CTNNAL1: variants seen among roughly 807,000 people sequenced by gnomAD.
CTNNAL1 encodes catenin alpha like 1.
CTNNAL1 carries 69 observed loss-of-function variants against 93.6 expected under a neutral mutation model. The ratio of observed to expected loss-of-function variants is 0.74; its 90% CI spans 0.61 to 0.90. The LOEUF (loss-of-function observed/expected upper bound fraction) is 0.90, where lower values mean the gene tolerates loss of function less well. Among genes scored for constraint, CTNNAL1 ranks in the 40% least tolerant of loss-of-function variants. The pLI is 0.00. For missense variants in CTNNAL1, 836 were observed against 862.0 expected, an observed-to-expected ratio of 0.97 and a Z score of 0.38; for synonymous variants, 286 against 305.4, an observed-to-expected ratio of 0.94 and a Z score of 0.66.
chr9:108,964,066 C>CT (rs901297772), intron 11 of CTNNAL1, among the ~76,000 whole-genome samples: 1 of 152,318 alleles, frequency 6.6e-6, no homozygotes, highest in South Asian at 2.1e-4. Context: ...GACCACTCTT[C>CT]TTTTTAAAAG....
At chr9:108,964,118 G>C (rs1300256972) in intron 11 of CTNNAL1, among the ~76,000 whole-genome samples, 3 of 152,010 alleles carry the variant, frequency 2.0e-5, no homozygotes, top group Non-Finnish European at 4.4e-5. Context: ...CCAAAATTTG[G>C]CTCATATGAA....
At chr9:108,992,391 T>A (rs1049867035) in intron 3 of CTNNAL1, among the ~76,000 whole-genome samples, 1 of 134,516 alleles carries the variant, frequency 7.4e-6, no homozygotes. Context: ...AGAACTTTTC[T>A]TTTTTTTTTT....
chr9:108,999,003 T>C (rs1373856208), intron 2 of CTNNAL1, 64 bp downstream of exon 2: 1 of 1,495,846 alleles, frequency 6.7e-7, no homozygotes, highest in Non-Finnish European at 8.9e-7. Context: ...AAATCAATAA[T>C]TTTTCATCAT....
At chr9:108,995,259 T>C (rs1349245413) in intron 2 of CTNNAL1, among the ~76,000 whole-genome samples, 1 of 152,216 alleles carries the variant, frequency 6.6e-6, no homozygotes, top group Non-Finnish European at 1.5e-5. Flanking sequence ...TCAGTTTGCA[T>C]CCTATCATTA....
chr9:108,958,099 A>G (rs1830732295), intron 11 of CTNNAL1, among the ~76,000 whole-genome samples: 1 of 150,170 alleles, frequency 6.7e-6, no homozygotes, highest in African/African-American at 2.4e-5. Context: ...GTGGGAAAGT[A>G]CTAAAAATAA....
Position 108,976,987 on chromosome 9 carries a change from T to C in CTNNAL1, c.1163A>G (p.His388Arg). 2 of 1,508,094 alleles carry C rather than the reference T, an allele frequency of 1.3e-6. No homozygotes were observed. Among genetic ancestry groups the C allele is most frequent in the Non-Finnish European group, 1.8e-6 (2 of 1,124,786 alleles). The allele number at this position is 1,508,094 out of a possible 1,614,324, so 93.4% of individuals were successfully genotyped here. A position where few individuals can be genotyped will look rare whatever the true frequency, so the allele number is the denominator to read the frequency against. ...ELELSILKIS[H>R]SLNELKKELH... is the part of the protein sequence containing the mutation. ...TTCTTTCTTAAGTTCATTAAGACTG[T>C]GACTGATTTTCAAAATACTGAGTTC... The change falls in exon 8 of 19, where the codon CAC (histidine) becomes CGC (arginine). Residue 388 changes from histidine (H) to arginine (R), a missense_variant. Transcript: ENST00000325551.
chr9:108,950,658 C>T (rs2132090237), intron 14 of CTNNAL1: 2 of 1,517,222 alleles, frequency 1.3e-6, no homozygotes, highest in South Asian at 1.3e-5. Flanking sequence ...GCTGCCTCAC[C>T]TATCCCATCC....
At chr9:109,003,031 A>G (rs1191484481) in intron 1 of CTNNAL1, among the ~76,000 whole-genome samples, 1 of 152,134 alleles carries the variant, frequency 6.6e-6, no homozygotes, top group African/African-American at 2.4e-5. Flanking sequence ...CATCATACTA[A>G]AATTAACAAT....
chr9:108,986,903 A>G (rs1460073433), intron 4 of CTNNAL1, among the ~76,000 whole-genome samples: 1 of 151,994 alleles, frequency 6.6e-6, no homozygotes, highest in African/African-American at 2.4e-5. Flanking sequence ...AATTTGTTTG[A>G]GTTCATTGTA....
At chr9:108,992,607 A>T (rs71499681) in intron 3 of CTNNAL1, 25 bp downstream of exon 3, 5 of 1,577,602 alleles carry the variant, frequency 3.2e-6, no homozygotes, top group Non-Finnish European at 3.4e-6. Flanking sequence ...AGACAAAAAT[A>T]CAGCAACATC....
chr9:109,013,255 G>A (rs1191421720), intron 1 of CTNNAL1, 47 bp downstream of exon 1: 2 of 1,431,656 alleles, frequency 1.4e-6, no homozygotes, highest in East Asian at 3.0e-5. Context: ...CGCCATCGCG[G>A]GCCGCGGCGG....
chr9:108,978,065 T>C (rs1300477125), intron 7 of CTNNAL1, among the ~76,000 whole-genome samples: 1 of 152,264 alleles, frequency 6.6e-6, no homozygotes, highest in African/African-American at 2.4e-5. Context: ...GTAAATTTGC[T>C]AAATTTGTGA....
chr9:108,968,737 C>T (rs1831026833), intron 10 of CTNNAL1, among the ~76,000 whole-genome samples: 1 of 152,184 alleles, frequency 6.6e-6, no homozygotes, highest in Non-Finnish European at 1.5e-5. Context: ...CAACATCCAA[C>T]ATGATTCTCC....
At chr9:109,000,469 T>C (rs1826763087) in intron 1 of CTNNAL1, among the ~76,000 whole-genome samples, 1 of 150,936 alleles carries the variant, frequency 6.6e-6, no homozygotes, top group African/African-American at 2.4e-5. Flanking sequence ...AGTGAAGGAG[T>C]GGGGGAGAAC....
At chr9:108,993,253 G>A (rs1469161780) in intron 2 of CTNNAL1, among the ~76,000 whole-genome samples, 1 of 152,202 alleles carries the variant, frequency 6.6e-6, no homozygotes, top group South Asian at 2.1e-4. Context: ...TCCACAAGCT[G>A]AACGGCCTTG....
intron 10 of CTNNAL1, among the ~76,000 whole-genome samples, chr9:108,967,385 C>T (rs1830985545): frequency 1.1e-5 from 1 of 93,582 alleles, no homozygotes; most frequent in South Asian, 3.2e-4. Flanking sequence ...TGGGATTATT[C>T]ACACACACAT....
At chr9:108,984,263 A>C in intron 5 of CTNNAL1, 84 bp downstream of exon 5, 1 of 748,758 alleles carries the variant, frequency 1.3e-6, no homozygotes, top group Non-Finnish European at 2.3e-6. Flanking sequence ...ATCTTTTTTA[A>C]AATGTAAATT....
intron 1 of CTNNAL1, among the ~76,000 whole-genome samples, chr9:109,008,314 C>T (rs1405429293): frequency 6.6e-6 from 1 of 151,876 alleles, no homozygotes; most frequent in East Asian, 1.9e-4. Context: ...TGCACCACCA[C>T]GCCAGCTAAC....
At chr9:108,978,076 C>A (rs557621454) in intron 7 of CTNNAL1, among the ~76,000 whole-genome samples, 4 of 152,218 alleles carry the variant, frequency 2.6e-5, no homozygotes, top group Non-Finnish European at 5.9e-5. Flanking sequence ...AAATTTGTGA[C>A]ATTTGCTAAT....
Sources: allele counts gnomAD v4.1 joint callset (sites outside exome capture counted in the v4.1 genomes callset), GRCh38; gene constraint gnomAD v4.1.1; transcripts MANE v1.5; gene names NCBI Gene and HGNC (gene_info 2026-07-23, HGNC 2026-07-21).